The following OSBPL3 variants were observed in gnomAD, a reference collection of about 807,000 sequenced individuals.
OSBPL3 encodes oxysterol binding protein like 3, also known as oxysterol-binding protein-related protein 3.
OSBPL3 carries 65 observed loss-of-function variants against 120.1 expected under a neutral mutation model. The observed-to-expected ratio is 0.54, with a 90% CI of 0.44 to 0.67. The LOEUF (loss-of-function observed/expected upper bound fraction) is 0.67. Among genes scored for constraint, OSBPL3 ranks in the 30% least tolerant of loss-of-function variants. The probability of loss-of-function intolerance (pLI) is 0.00; values close to 1 mark genes in which losing one functional copy is unlikely to be tolerated. For synonymous variants in OSBPL3, 416 were observed against 402.6 expected (o/e 1.03, Z -0.40); for missense variants, 1,004 against 1,082.1 (o/e 0.93, Z 1.01).
Position 24,862,521 on chromosome 7 carries a change from T to TAC in OSBPL3, c.870+678_870+679insGT, listed in dbSNP as rs1800712242. 6.6e-6 allele frequency among the ~76,000 whole-genome samples: 1 copy of TAC among 152,240 alleles called. No individual in the cohort carries two copies. The highest frequency in any genetic ancestry group is 2.4e-5 in the African/African-American group (1 of 41,462). ...GGAACATTCTTTACTTCCAAAGTGC[T>TAC]TATCTTCAGTCCATAAACTACTTTG... On this transcript the variant is annotated intron_variant, in intron 9 of 22. Coordinates refer to ENST00000313367, the MANE Select transcript of OSBPL3 (RefSeq NM_015550.4). The surrounding 1 kb of genome is among the most constrained non-coding windows in gnomAD (Gnocchi z 4.4).
chr7:24,825,191 T>C (rs1795560836), intron 16 of OSBPL3, among the ~76,000 whole-genome samples: 1 of 152,158 alleles, frequency 6.6e-6, no homozygotes, highest in Admixed American at 6.5e-5. Flanking sequence ...AGGAGACCAG[T>C]AGTGAGTCCT....
intron 1 of OSBPL3, among the ~76,000 whole-genome samples, chr7:24,903,294 A>G (rs1807340879): frequency 6.6e-6 from 1 of 152,204 alleles, no homozygotes; most frequent in Non-Finnish European, 1.5e-5. Flanking sequence ...CACAAATAAT[A>G]GCCTCTAGCT....
In OSBPL3 at chr7:24,930,997, G is replaced by C. The variant is rs1282233527; in HGVS notation, c.-149-38376C>G. Among the ~76,000 whole-genome samples the C allele has an allele frequency of 6.6e-6, 1 of 152,194 alleles. No individual in the cohort carries two copies. Among genetic ancestry groups the C allele is most frequent in the East Asian group, 1.9e-4 (1 of 5,194 alleles). Reference sequence around the variant, plus strand: ...CGTGTTCAGAGGCAAAAAGTGAGCTGTGGGAAGACAGATGCTCCCAGACAT... The same window carrying C: ...CGTGTTCAGAGGCAAAAAGTGAGCTCTGGGAAGACAGATGCTCCCAGACAT... On this transcript the variant is annotated intron_variant, in intron 1 of 22. Transcript: ENST00000313367. The surrounding 1 kb of genome is among the most constrained non-coding windows in gnomAD (Gnocchi z 4.4).
Position 24,837,289 on chromosome 7 carries a change from G to A in OSBPL3, c.1496-2553C>T, listed in dbSNP as rs529000216. The stretch of plus-strand genomic sequence containing the variant: ...TATGATCATAGCTCACTGTAACCTC[G>A]AACTCCCGGGCCTAAACAATTGTTC... On this transcript the variant is annotated intron_variant, in intron 14 of 22. Transcript: ENST00000313367. Among the ~76,000 whole-genome samples the A allele has an allele frequency of 5.9e-4, 90 of 152,144 alleles. 7 individuals are homozygous for A. The South Asian group carries it at 0.015, about 26-fold the overall frequency.
At position 24,852,019 on chromosome 7, in the gene OSBPL3, C is replaced by T. The variant is rs1362281170; in HGVS notation, c.1158+485G>A. Among the ~76,000 whole-genome samples, 1 of 152,160 alleles carries T rather than the reference C, an allele frequency of 6.6e-6. No individual in the cohort carries two copies. Among genetic ancestry groups the T allele is most frequent in the Non-Finnish European group, 1.5e-5 (1 of 68,034 alleles). On this transcript the variant is annotated intron_variant, in intron 11 of 22. Transcript: ENST00000313367. The surrounding 1 kb of genome is among the most constrained non-coding windows in gnomAD (Gnocchi z 4.1). ...TACTATCCCATCAAACAAAATAGCT[C>T]TCATGTCTTTGAAAGAGTGGTAAAC...
At position 24,879,825 on chromosome 7, in the gene OSBPL3, G is replaced by C. The variant is rs1426879542; in HGVS notation, c.97-7756C>G. Among the ~76,000 whole-genome samples, 2 of 152,182 alleles carry C rather than the reference G, an allele frequency of 1.3e-5. No individual in the cohort carries two copies. The highest frequency in any genetic ancestry group is 6.5e-5 in the Admixed American group (1 of 15,278). The stretch of plus-strand genomic sequence containing the variant: ...TACATATGACTATTTCCACGCTGTT[G>C]ATCACTCACTCAGCATTTATGGCTA... On this transcript the variant is annotated intron_variant, in intron 2 of 22. Coordinates refer to ENST00000313367, the MANE Select transcript of OSBPL3 (RefSeq NM_015550.4). This position sits in a 1 kb window ranked among gnomAD's most constrained non-coding sequence, Gnocchi z 5.6.
chr7:24,961,832 A>G (rs963781414), intron 1 of OSBPL3, among the ~76,000 whole-genome samples: 1 of 152,352 alleles, frequency 6.6e-6, no homozygotes, highest in South Asian at 2.1e-4. Context: ...CATACAATAA[A>G]TGAGTATAAC....
chr7:24,830,943 C>A lies in OSBPL3; in HGVS notation c.1747-38G>T. 6.4e-7 allele frequency: 1 copy of A among 1,555,070 alleles called. No individual in the cohort carries two copies. The highest frequency in any genetic ancestry group is 8.7e-7 in the Non-Finnish European group (1 of 1,155,796). ...GAAAAGAACTTTGTCATTTCCGTGT[C>A]ACCAAGAGCTTTATTGTTCACAAAG... On this transcript the variant is annotated intron_variant, in intron 15 of 22. Coordinates refer to ENST00000313367, the MANE Select transcript of OSBPL3 (RefSeq NM_015550.4). This position sits in a 1 kb window ranked among gnomAD's most constrained non-coding sequence, Gnocchi z 4.4.
rs1809567327 is a variant in OSBPL3, at chr7:24,916,515, T to C, written c.-149-23894A>G. ...GCAATTACCTTTCTGGCTTGCATGG[T>C]TCTTTTTCCATTTGTTCACCTGATC... On this transcript the variant is annotated intron_variant, in intron 1 of 22. Transcript: ENST00000313367. The surrounding 1 kb of genome is among the most constrained non-coding windows in gnomAD (Gnocchi z 4.9). 6.6e-6 allele frequency among the ~76,000 whole-genome samples: 1 copy of C among 152,168 alleles called. No individual in the cohort carries two copies. Among genetic ancestry groups the C allele is most frequent in the South Asian group, 2.1e-4 (1 of 4,832 alleles).
At chr7:24,893,177 T>C (rs1445186845) in intron 1 of OSBPL3, among the ~76,000 whole-genome samples, 1 of 152,214 alleles carries the variant, frequency 6.6e-6, no homozygotes, top group African/African-American at 2.4e-5. Flanking sequence ...TGCAGACCAA[T>C]GTTCATAGCA....
intron 2 of OSBPL3, among the ~76,000 whole-genome samples, chr7:24,874,903 C>A (rs975362143): frequency 6.6e-6 from 1 of 152,220 alleles, no homozygotes; most frequent in African/African-American, 2.4e-5. Context: ...GTGAGGCCAA[C>A]ATCCAGCCTA....
rs577657051 is a variant in OSBPL3, at chr7:24,813,881, C to T, written c.2172+1178G>A. ...AAGGCTGTTAAAATGAGAGACCATT[C>T]CATACTTTTTGCCTCTGGCCAATTT... On this transcript the variant is annotated intron_variant, in intron 19 of 22. Transcript: ENST00000313367. The surrounding 1 kb of genome is among the most constrained non-coding windows in gnomAD (Gnocchi z 4.5). 3.3e-5 allele frequency among the ~76,000 whole-genome samples: 5 copies of T among 152,282 alleles called. No homozygotes were observed. In the South Asian group the frequency reaches 8.3e-4, roughly 25 times the overall value.
intron 1 of OSBPL3, 31 bp downstream of exon 1, chr7:24,979,855 G>GC: frequency 2.0e-6 from 2 of 983,234 alleles, no homozygotes; most frequent in Non-Finnish European, 2.4e-6. Context: ...CGACACCCAG[G>GC]CCCCATTTAG....
At chr7:24,980,635 C>T (rs190479278), upstream of OSBPL3, among the ~76,000 whole-genome samples, 6 of 151,960 alleles carry the variant, frequency 3.9e-5, no homozygotes, top group Admixed American at 3.3e-4. Flanking sequence ...CTCGACCTCC[C>T]GAGAAAGTCA....
intron 12 of OSBPL3, among the ~76,000 whole-genome samples, chr7:24,843,472 T>C (rs569851446): frequency 2.6e-5 from 4 of 152,298 alleles, no homozygotes; most frequent in African/African-American, 9.6e-5. Flanking sequence ...AAAGGCAGAT[T>C]ATATCTTGCC....
rs1812901596 is a variant in OSBPL3, at chr7:24,940,067, G to C, written c.-150+39819C>G. On this transcript the variant is annotated intron_variant, in intron 1 of 22. Transcript: ENST00000313367. This position sits in a 1 kb window ranked among gnomAD's most constrained non-coding sequence, Gnocchi z 4.4. Reference sequence around the variant, plus strand: ...TTCTTCCTATTGACTTCTGTTTCTAGATGAAATGAAAACAAGTTCAAATGC... The same window carrying C: ...TTCTTCCTATTGACTTCTGTTTCTACATGAAATGAAAACAAGTTCAAATGC... Among the ~76,000 whole-genome samples the C allele has an allele frequency of 6.6e-6, 1 of 152,096 alleles. No homozygotes were observed.
intron 2 of OSBPL3, among the ~76,000 whole-genome samples, chr7:24,880,278 A>C (rs1330328591): frequency 1.3e-5 from 2 of 152,214 alleles, no homozygotes; most frequent in Non-Finnish European, 2.9e-5. Context: ...ACCCATTTGC[A>C]GACTGCGTCT....
chr7:24,825,150 G>A (rs565362367), intron 16 of OSBPL3, among the ~76,000 whole-genome samples: 1 of 152,354 alleles, frequency 6.6e-6, no homozygotes, highest in East Asian at 1.9e-4. Flanking sequence ...CACTGGGGCT[G>A]CTGGATAAGG....
chr7:24,878,405 G>A (rs1185415686), intron 2 of OSBPL3, among the ~76,000 whole-genome samples: 1 of 152,126 alleles, frequency 6.6e-6, no homozygotes, highest in Admixed American at 6.5e-5. Flanking sequence ...AAAATCACAA[G>A]GCAATACCCA....
Sources: allele counts gnomAD v4.1 joint callset (sites outside exome capture counted in the v4.1 genomes callset), GRCh38; gene constraint gnomAD v4.1.1; non-coding constraint Gnocchi (gnomAD v3.1); transcripts MANE v1.5; gene names NCBI Gene and HGNC (gene_info 2026-07-23, HGNC 2026-07-21).